The following CD7 variants were observed in gnomAD, a reference collection of about 807,000 sequenced individuals.
CD7 encodes the protein CD7 molecule.
In CD7, 19 loss-of-function variants were observed where a neutral mutation model predicts 17.6. That is an observed-to-expected ratio of 1.08 (90% CI 0.75 to 1.58). The LOEUF (loss-of-function observed/expected upper bound fraction) is 1.58, where lower values mean the gene tolerates loss of function less well. CD7 is among the 40% of genes most tolerant of loss of function. CD7 has a pLI of 0.00. For synonymous variants in CD7, 160 were observed against 159.8 expected, an observed-to-expected ratio of 1.00 and a Z score of -0.01; for missense variants, 291 against 327.1, an observed-to-expected ratio of 0.89 and a Z score of 0.85.
chr17:82,315,194 G>T lies in CD7; in HGVS notation c.*127C>A. 1.5e-6 allele frequency: 1 copy of T among 669,202 alleles called. No homozygotes were observed. Among genetic ancestry groups the T allele is most frequent in the Admixed American group, 2.1e-5 (1 of 47,696 alleles). 41.5% of individuals were successfully genotyped at this position (669,202 alleles called of 1,614,324 possible). A position where few individuals can be genotyped will look rare whatever the true frequency, so the allele number is the denominator to read the frequency against. ...TGTCTGCTTGGAGCTGGGCACGGCT[G>T]GGCCCTTCAAACTCTGCTGCAGCCG... On this transcript the variant is annotated 3_prime_UTR_variant, in exon 4 of 4. Transcript: ENST00000312648.
intron 1 of CD7, 90 bp from the exon 2 acceptor site, chr17:82,317,071 C>T (rs1219153508): frequency 2.5e-6 from 3 of 1,202,544 alleles, no homozygotes; most frequent in South Asian, 1.5e-5. Context: ...ATGGTGGGGC[C>T]CTGAGACAGC....
chr17:82,316,658 A>G lies in CD7; in HGVS notation c.397+9T>C. On this transcript the variant is annotated intron_variant, in intron 2 of 3. Coordinates refer to ENST00000312648, the MANE Select transcript of CD7 (RefSeq NM_006137.7). ...TGGGAGGGGGGTCTGGGATGGGCAC[A>G]TTCCCTACCTGTCACCAGGACCAGG... 1 of 1,608,288 alleles carries G rather than the reference A, an allele frequency of 6.2e-7. No homozygotes were observed.
intron 3 of CD7, 108 bp downstream of exon 3, chr17:82,316,087 A>C (rs1468495796): frequency 1.7e-6 from 2 of 1,155,998 alleles, no homozygotes; most frequent in African/African-American, 3.1e-5. Context: ...CCTGCAGAGG[A>C]GGCGGCGGGT....
rs556711806 is a variant in CD7, at chr17:82,315,071, C to T, written c.*250G>A. 241 of 467,332 alleles carry T rather than the reference C, an allele frequency of 5.2e-4. 1 individual carries two copies. Among genetic ancestry groups the T allele is most frequent in the Admixed American group, 1.6e-3 (47 of 29,952 alleles). 28.9% of individuals were successfully genotyped at this position (467,332 alleles called of 1,614,324 possible). On this transcript the variant is annotated 3_prime_UTR_variant, in exon 4 of 4. Coordinates refer to ENST00000312648, the MANE Select transcript of CD7 (RefSeq NM_006137.7). ...GAGATGCAGCCAAAGGACAGTCAGG[C>T]TTCCTCCCGGTGGCGGCGTGGGCTG...
At chr17:82,315,684 C>T (rs1010001727) in intron 3 of CD7, 2 of 549,052 alleles carry the variant, frequency 3.6e-6, no homozygotes, top group African/African-American at 1.9e-5. Flanking sequence ...CCAAGCGGGA[C>T]CCCCACTCCA....
At chr17:82,315,938 C>A in intron 3 of CD7, 1 of 619,924 alleles carries the variant, frequency 1.6e-6, no homozygotes, top group South Asian at 1.9e-5. Flanking sequence ...GAGATCCCCC[C>A]TCAGACACTC....
In CD7 at chr17:82,314,909, T is replaced by G. The variant is rs964220657; in HGVS notation, c.*412A>C. 1 of 186,544 alleles carries G rather than the reference T, an allele frequency of 5.4e-6. No homozygotes were observed. Among genetic ancestry groups the G allele is most frequent in the Non-Finnish European group, 1.2e-5 (1 of 86,676 alleles). The allele number at this position is 186,544 out of a possible 1,614,324, so 11.6% of individuals were successfully genotyped here. A position where few individuals can be genotyped will look rare whatever the true frequency, so the allele number is the denominator to read the frequency against. ...AGCCTTTATTTCTGGTACGGCTGGG[T>G]GGGGGACTGGTCTCCTCCCGTCCTC... On this transcript the variant is annotated 3_prime_UTR_variant, in exon 4 of 4. Coordinates refer to ENST00000312648, the MANE Select transcript of CD7 (RefSeq NM_006137.7). The surrounding 1 kb of genome is among the most constrained non-coding windows in gnomAD (Gnocchi z 6.0).
Position 82,316,313 on chromosome 17 carries a change from T to C in CD7, c.494A>G (p.Gln165Arg). Residue 165 changes from glutamine to arginine, a missense_variant, in exon 3 of 4, where the codon CAG (glutamine) becomes CGG (arginine). Gln to Arg is a conservative substitution (Grantham distance 43). Transcript: ENST00000312648. ...CGGGTCAGGGAGGGCAGAGGCTGTC[T>C]GCGGGTCAGGGAGGGCGGAGCCTGT... ...PPTGSALPDP[Q>R]TASALPDPPA... The C allele has an allele frequency of 6.4e-7, 1 of 1,570,126 alleles. No homozygotes were observed. Among genetic ancestry groups the C allele is most frequent in the South Asian group, 1.2e-5 (1 of 85,820 alleles).
intron 3 of CD7, chr17:82,315,855 G>A (rs1399343829): frequency 1.7e-5 from 10 of 598,128 alleles, no homozygotes; most frequent in Non-Finnish European, 2.7e-5. Context: ...ACCTGCACAC[G>A]TGCACACGCG....
At chr17:82,317,235 C>G in intron 1 of CD7, 179 bp downstream of exon 1, 1 of 701,962 alleles carries the variant, frequency 1.4e-6, no homozygotes, top group Non-Finnish European at 2.3e-6. Flanking sequence ...CAGCCCCGGC[C>G]ACTCCCCACC....
chr17:82,315,486 C>G (rs1306213693), intron 3 of CD7, 55 bp from the exon 4 acceptor site: 15 of 1,340,092 alleles, frequency 1.1e-5, no homozygotes, highest in Non-Finnish European at 1.4e-5. Context: ...TCCTGGACCC[C>G]ACCCCACTCC....
chr17:82,316,047 G>A (rs2052010514), intron 3 of CD7, 148 bp downstream of exon 3: 10 of 881,436 alleles, frequency 1.1e-5, no homozygotes, highest in African/African-American at 3.4e-5. Flanking sequence ...CCTCCCCGCC[G>A]AGGCCACTTC....
rs1180914038 is a variant in CD7, at chr17:82,316,651, T to C, written c.397+16A>G. On this transcript the variant is annotated intron_variant, in intron 2 of 3. Transcript: ENST00000312648. ...CTGGGGTTGGGAGGGGGGTCTGGGA[T>C]GGGCACATTCCCTACCTGTCACCAG... is the stretch of plus-strand genomic sequence containing the variant. 6.2e-7 allele frequency: 1 copy of C among 1,605,918 alleles called. No individual in the cohort carries two copies. The highest frequency in any genetic ancestry group is 8.5e-7 in the Non-Finnish European group (1 of 1,179,338).
chr17:82,316,666 C>A lies in CD7; in HGVS notation c.397+1G>T, dbSNP rs779055628. The A allele has an allele frequency of 6.2e-7, 1 of 1,609,824 alleles. No homozygotes were observed. The highest frequency in any genetic ancestry group is 2.2e-5 in the East Asian group (1 of 44,872). ...GGGTCTGGGATGGGCACATTCCCTA[C>A]CTGTCACCAGGACCAGGGTGCCGGA... On this transcript the variant is annotated splice_donor_variant, in intron 2 of 3. Coordinates refer to ENST00000312648, the MANE Select transcript of CD7 (RefSeq NM_006137.7). LOFTEE classifies it high-confidence loss of function.
At chr17:82,316,516 G>A in intron 2 of CD7, 107 bp from the exon 3 acceptor site, 2 of 1,264,436 alleles carry the variant, frequency 1.6e-6, no homozygotes, top group Non-Finnish European at 2.2e-6. Flanking sequence ...AGGAGGGGCA[G>A]CTATCTAGGA....
At chr17:82,315,966 C>CACGCGCAA in intron 3 of CD7, 1 of 648,226 alleles carries the variant, frequency 1.5e-6, no homozygotes, top group Non-Finnish European at 2.7e-6. Flanking sequence ...CACACGCGCA[C>CACGCGCAA]ACGCGCACAC....
At chr17:82,315,717 C>T (rs78056194) in intron 3 of CD7, 20 of 544,298 alleles carry the variant, frequency 3.7e-5, no homozygotes, top group Middle Eastern at 4.9e-4. Context: ...CAGCAGGGAC[C>T]GAGGGGAGTG....
intron 1 of CD7, 186 bp downstream of exon 1, chr17:82,317,228 C>A: frequency 1.4e-6 from 1 of 691,050 alleles, no homozygotes; most frequent in Non-Finnish European, 2.4e-6. Flanking sequence ...GCCTGGACAG[C>A]CCCGGCCACT....
chr17:82,316,602 G>A, intron 2 of CD7, 65 bp downstream of exon 2: 1 of 1,524,208 alleles, frequency 6.6e-7, no homozygotes, highest in South Asian at 1.1e-5. Context: ...GACAAGGGCT[G>A]GGGGAGCAGA....
Sources: gnomAD v4.1 joint callset for allele counts on GRCh38, gnomAD v4.1.1 for gene constraint, Gnocchi (gnomAD v3.1) non-coding constraint, MANE v1.5 for transcripts, NCBI Gene and HGNC (gene_info 2026-07-23, HGNC 2026-07-21) for gene names.